Variants in RIMOC1 observed in about 807,000 individuals in gnomAD.
RIMOC1 encodes RAB7A interacting MON1-CCZ1 complex subunit 1, also known as RAB7A-interacting MON1-CCZ1 complex subunit 1.
the RIMOC1 span, chr5:41,912,247 G>T: frequency 1.1e-6 from 1 of 944,520 alleles, no homozygotes; most frequent in South Asian, 1.5e-5. Context: ...TAGGAAGTTT[G>T]TTAGATTTCA....
At chr5:41,915,147 T>C in the RIMOC1 span, among the ~76,000 whole-genome samples, 1 of 152,240 alleles carries the variant, frequency 6.6e-6, no homozygotes, top group Non-Finnish European at 1.5e-5. Context: ...CTGAGTCTCA[T>C]TCTTCTGTGA....
At chr5:41,907,708 G>A in the RIMOC1 span, 1 of 1,413,630 alleles carries the variant, frequency 7.1e-7, no homozygotes, top group Admixed American at 1.9e-5. Context: ...ACTAGGTGAA[G>A]TAATCCTCAT....
the RIMOC1 span, chr5:41,916,504 T>C: frequency 4.2e-6 from 4 of 944,494 alleles, no homozygotes; most frequent in Non-Finnish European, 5.0e-6. Flanking sequence ...GTATGGACTC[T>C]CAGGCATGAT....
At chr5:41,907,971 C>A in the RIMOC1 span, 5 of 642,052 alleles carry the variant, frequency 7.8e-6, no homozygotes, top group South Asian at 3.8e-5. Context: ...GTCCAAAAAA[C>A]TATGAATAAA....
chr5:41,915,802 G>T, the RIMOC1 span, among the ~76,000 whole-genome samples: 1 of 152,182 alleles, frequency 6.6e-6, no homozygotes, highest in African/African-American at 2.4e-5. Flanking sequence ...ATGAGATTTG[G>T]ATGGGGACAC....
chr5:41,913,135 C>T, the RIMOC1 span, among the ~76,000 whole-genome samples: 2 of 152,184 alleles, frequency 1.3e-5, no homozygotes, highest in African/African-American at 4.8e-5. Context: ...ACCTGTGTTT[C>T]AGGCTACAGG....
chr5:41,913,842 C>T, the RIMOC1 span, among the ~76,000 whole-genome samples: 1 of 152,154 alleles, frequency 6.6e-6, no homozygotes, highest in Non-Finnish European at 1.5e-5. Context: ...ATACAAAAAG[C>T]TCCCTCAGTG....
At chr5:41,917,141 G>T in the RIMOC1 span, 1 of 1,613,786 alleles carries the variant, frequency 6.2e-7, no homozygotes, top group Non-Finnish European at 8.5e-7. Flanking sequence ...GTCTGGAGCG[G>T]GCTGCACTAC....
chr5:41,918,855 A>G, the RIMOC1 span: 18 of 771,682 alleles, frequency 2.3e-5, no homozygotes, highest in Non-Finnish European at 2.8e-5. Flanking sequence ...ATTTTAGAGG[A>G]AAAGAGGTTG....
At chr5:41,913,739 A>G in the RIMOC1 span, among the ~76,000 whole-genome samples, 2 of 152,040 alleles carry the variant, frequency 1.3e-5, no homozygotes, top group African/African-American at 4.8e-5. Context: ...CATTTCATAG[A>G]AAAAAAATAG....
chr5:41,916,931 G>C, the RIMOC1 span: 1 of 1,233,500 alleles, frequency 8.1e-7, no homozygotes, highest in South Asian at 1.8e-5. Flanking sequence ...AATGACAAAA[G>C]GAACTTTAAT....
At chr5:41,921,337 C>G in the RIMOC1 span, 1 of 152,418 alleles carries the variant, frequency 6.6e-6, no homozygotes, top group East Asian at 1.9e-4. Context: ...TTTTCTCTTT[C>G]TACCTTACAG....
chr5:41,916,520 A>T, the RIMOC1 span: 1 of 910,070 alleles, frequency 1.1e-6, no homozygotes, highest in African/African-American at 1.8e-5. Flanking sequence ...ATGATTATGC[A>T]TGATAATTTC....
At chr5:41,907,565 C>T in the RIMOC1 span, among the ~76,000 whole-genome samples, 1 of 152,184 alleles carries the variant, frequency 6.6e-6, no homozygotes, top group Non-Finnish European at 1.5e-5. Flanking sequence ...TAGGATTAGG[C>T]ATTATGAGAT....
chr5:41,919,958 A>G, the RIMOC1 span: 1 of 152,142 alleles, frequency 6.6e-6, no homozygotes, highest in Non-Finnish European at 1.5e-5. Flanking sequence ...ATGTTTTTGA[A>G]TTAATGAGGC....
the RIMOC1 span, among the ~76,000 whole-genome samples, chr5:41,906,847 T>C: frequency 1.3e-5 from 2 of 152,226 alleles, no homozygotes; most frequent in Non-Finnish European, 2.9e-5. Flanking sequence ...ATCTGTTCAT[T>C]GGCCCATGAA....
chr5:41,916,986 C>T, the RIMOC1 span: 1 of 1,533,526 alleles, frequency 6.5e-7, no homozygotes, highest in South Asian at 1.3e-5. Flanking sequence ...GCTTTTAATT[C>T]TAATCTGTCA....
At chr5:41,916,144 T>A in the RIMOC1 span, among the ~76,000 whole-genome samples, 1 of 152,178 alleles carries the variant, frequency 6.6e-6, no homozygotes, top group East Asian at 1.9e-4. Context: ...CTTTAAGAAG[T>A]TACATTTTTA....
chr5:41,910,969 T>C, the RIMOC1 span: 3 of 1,512,120 alleles, frequency 2.0e-6, no homozygotes, highest in Non-Finnish European at 2.7e-6. Flanking sequence ...TTTTAATCGA[T>C]GAGTTTTTGA....
Sources: allele counts gnomAD v4.1 joint callset (sites outside exome capture counted in the v4.1 genomes callset), GRCh38; gene constraint gnomAD v4.1.1; transcripts MANE v1.5; gene names NCBI Gene and HGNC (gene_info 2026-07-23, HGNC 2026-07-21).